CNTNAP2: variants seen among roughly 807,000 people sequenced by gnomAD.
The protein encoded by CNTNAP2 is contactin-associated protein-like 2.
In CNTNAP2, 98 loss-of-function variants were observed where a neutral mutation model predicts 155.2. The observed-to-expected ratio is 0.63, with a 90% CI of 0.54 to 0.75. CNTNAP2 has a LOEUF of 0.75. Among genes scored for constraint, CNTNAP2 ranks in the 30% least tolerant of loss-of-function variants. CNTNAP2 has a pLI of 0.00. For synonymous variants in CNTNAP2, 651 were observed against 631.2 expected (o/e 1.03, Z -0.47); for missense variants, 1,727 against 1,688.1 (o/e 1.02, Z -0.40).
At chr7:148,341,491 GT>G (rs1171413830) in intron 21 of CNTNAP2, among the ~76,000 whole-genome samples, 1 of 151,908 alleles carries the variant, frequency 6.6e-6, no homozygotes, top group African/African-American at 2.4e-5. Flanking sequence ...TATTGATATT[GT>G]CCCCATCAAT....
chr7:147,820,992 A>C (rs1367320926), intron 13 of CNTNAP2, among the ~76,000 whole-genome samples: 1 of 152,146 alleles, frequency 6.6e-6, no homozygotes, highest in Non-Finnish European at 1.5e-5. Flanking sequence ...ACAGATTAAT[A>C]TGTCTAGCTT....
At chr7:148,351,024 C>T (rs1056556471) in intron 21 of CNTNAP2, among the ~76,000 whole-genome samples, 6 of 152,296 alleles carry the variant, frequency 3.9e-5, no homozygotes, top group Non-Finnish European at 8.8e-5. Context: ...TACAAGCGAG[C>T]GAGAGAGGTC....
chr7:147,362,702 CTTCAAAAA>C (rs1796165429), intron 9 of CNTNAP2, among the ~76,000 whole-genome samples: 1 of 151,862 alleles, frequency 6.6e-6, no homozygotes, highest in African/African-American at 2.4e-5. Flanking sequence ...ATCTGTGTCC[CTTCAAAAA>C]CGTCATAAAA....
At chr7:147,083,535 TAC>T (rs1241633974) in intron 4 of CNTNAP2, among the ~76,000 whole-genome samples, 4 of 78,106 alleles carry the variant, frequency 5.1e-5, no homozygotes, top group African/African-American at 1.3e-4. Context: ...TATATATATA[TAC>T]ATATATATAT....
chr7:148,061,962 G>GATAGATAAACAGAT (rs1803154171), intron 15 of CNTNAP2, among the ~76,000 whole-genome samples: 2 of 72,438 alleles, frequency 2.8e-5, no homozygotes, highest in African/African-American at 1.6e-4. Flanking sequence ...GATATAGATA[G>GATAGATAAACAGAT]ATAGATAGAT....
In CNTNAP2 at chr7:147,665,944, A is replaced by T. The variant is rs557648714; in HGVS notation, c.2098+26638A>T. On this transcript the variant is annotated intron_variant, in intron 13 of 23. Coordinates refer to ENST00000361727, the MANE Select transcript of CNTNAP2 (RefSeq NM_014141.6). ...TACATCACTATCAGCAGAGGATGAG[A>T]ATATTAGAGTTCTCATTACTCTGTA... Among the ~76,000 whole-genome samples the T allele has an allele frequency of 5.9e-5, 9 of 152,296 alleles. No individual in the cohort carries two copies. In the South Asian group the frequency reaches 1.2e-3, roughly 21 times the overall value.
At chr7:146,709,694 T>TC (rs1221802538) in intron 1 of CNTNAP2, among the ~76,000 whole-genome samples, 8 of 152,076 alleles carry the variant, frequency 5.3e-5, no homozygotes, top group African/African-American at 1.7e-4. Context: ...CTTCTACTTC[T>TC]CAAGTAGAGA....
chr7:146,906,153 G>T (rs1028680035), intron 3 of CNTNAP2, among the ~76,000 whole-genome samples: 4 of 152,164 alleles, frequency 2.6e-5, no homozygotes, highest in Non-Finnish European at 5.9e-5. Context: ...AGGGTCCTAC[G>T]CCCACGGAGT....
intron 18 of CNTNAP2, among the ~76,000 whole-genome samples, chr7:148,179,139 G>T (rs1373200926): frequency 1.3e-5 from 2 of 152,160 alleles, no homozygotes; most frequent in African/African-American, 4.8e-5. Context: ...AATGTATCCA[G>T]TCCTTTCAAG....
chr7:147,322,793 A>T lies in CNTNAP2; in HGVS notation c.1498+22503A>T, dbSNP rs1258679724. Among the ~76,000 whole-genome samples the T allele has an allele frequency of 2.1e-5, 3 of 142,104 alleles. No homozygotes were observed. In the South Asian group the frequency reaches 7.1e-4, roughly 34 times the overall value. 93.2% of individuals were successfully genotyped at this position (142,104 alleles called of 152,430 possible). On this transcript the variant is annotated intron_variant, in intron 9 of 23. Coordinates refer to ENST00000361727, the MANE Select transcript of CNTNAP2 (RefSeq NM_014141.6). The stretch of plus-strand genomic sequence containing the variant: ...ATTCAGAGATTCAACTTCTTCCTGG[A>T]TTAGTCTTGGGAGGGTGTATGTGTC...
At chr7:148,210,341 T>G (rs1428188371) in intron 18 of CNTNAP2, among the ~76,000 whole-genome samples, 2 of 152,168 alleles carry the variant, frequency 1.3e-5, no homozygotes, top group Non-Finnish European at 2.9e-5. Context: ...CCCCAAAACA[T>G]TCTAACCTGT....
intron 9 of CNTNAP2, among the ~76,000 whole-genome samples, chr7:147,364,127 G>A (rs1482427894): frequency 6.6e-6 from 1 of 152,158 alleles, no homozygotes; most frequent in Admixed American, 6.5e-5. Flanking sequence ...AAATAATCAT[G>A]TTGAGAGCTT....
At chr7:147,610,941 TG>T (rs969285140) in intron 12 of CNTNAP2, among the ~76,000 whole-genome samples, 4 of 152,098 alleles carry the variant, frequency 2.6e-5, no homozygotes, top group African/African-American at 9.7e-5. Context: ...AGTTTTGCCG[TG>T]TTGCCCAGGC....
At position 148,229,770 on chromosome 7, in the gene CNTNAP2, C is replaced by G; in HGVS notation, c.3372C>G (p.Ile1124Met). The G allele has an allele frequency of 6.2e-7, 1 of 1,614,104 alleles. No individual in the cohort carries two copies. The highest frequency in any genetic ancestry group is 8.5e-7 in the Non-Finnish European group (1 of 1,180,008). Residue 1124 changes from isoleucine (I) to methionine (M), a missense_variant, in exon 20 of 24, where the codon ATC (isoleucine) becomes ATG (methionine). Transcript: ENST00000361727. ...ACATCACCCGCCACGAGAAGACCATCTTTCTCAAGGTATACATACATGTAC... is the reference window on the plus strand; with the variant it reads ...ACATCACCCGCCACGAGAAGACCATGTTTCTCAAGGTATACATACATGTAC... ...SVNITRHEKT[I>M]FLKLDHYPSV...
At chr7:147,557,882 A>G (rs1267515201) in intron 11 of CNTNAP2, among the ~76,000 whole-genome samples, 1 of 152,196 alleles carries the variant, frequency 6.6e-6, no homozygotes, top group African/African-American at 2.4e-5. Context: ...TAATACCTCA[A>G]TTTTACAGTT....
intron 1 of CNTNAP2, among the ~76,000 whole-genome samples, chr7:146,511,999 GT>G (rs1797473801): frequency 1.3e-5 from 2 of 151,822 alleles, no homozygotes; most frequent in Non-Finnish European, 2.9e-5. Flanking sequence ...TTCAATCTTG[GT>G]AAGTTGTATG....
At position 147,125,131 on chromosome 7, in the gene CNTNAP2, C is replaced by T. The variant is rs565397502; in HGVS notation, c.940-3562C>T. Reference sequence around the variant, plus strand: ...TCCTGACCTCATGATCCACCCACCTCGGCCTCCCAAAGTGCTGGGATTACA... The same window carrying T: ...TCCTGACCTCATGATCCACCCACCTTGGCCTCCCAAAGTGCTGGGATTACA... On this transcript the variant is annotated intron_variant, in intron 6 of 23. Coordinates refer to ENST00000361727, the MANE Select transcript of CNTNAP2 (RefSeq NM_014141.6). Among the ~76,000 whole-genome samples the T allele has an allele frequency of 1.5e-3, 234 of 151,984 alleles. 2 individuals are homozygous for T. Among genetic ancestry groups the T allele is most frequent in the African/African-American group, 5.4e-3 (225 of 41,438 alleles).
intron 1 of CNTNAP2, among the ~76,000 whole-genome samples, chr7:146,715,512 T>C (rs1563200665): frequency 3.9e-5 from 6 of 152,040 alleles, no homozygotes; most frequent in African/African-American, 1.2e-4. Flanking sequence ...GCTGGACCTC[T>C]ACTTTTTTAA....
intron 11 of CNTNAP2, among the ~76,000 whole-genome samples, chr7:147,519,730 GGT>G (rs1338321877): frequency 6.6e-6 from 1 of 152,162 alleles, no homozygotes; most frequent in Non-Finnish European, 1.5e-5. Context: ...AGCTGGACAT[GGT>G]GGTGTGCCTG....
Sources: gnomAD v4.1 joint callset for allele counts (sites outside exome capture counted in the v4.1 genomes callset) on GRCh38, gnomAD v4.1.1 for gene constraint, MANE v1.5 for transcripts, NCBI Gene and HGNC (gene_info 2026-07-23, HGNC 2026-07-21) for gene names.